The following KDM6B variants were observed in gnomAD, a reference collection of about 807,000 sequenced individuals.
KDM6B encodes lysine-specific demethylase 6B.
KDM6B carries 22 observed loss-of-function variants against 150.4 expected under a neutral mutation model. That is an observed-to-expected ratio of 0.15 (90% CI 0.10 to 0.21). KDM6B has a LOEUF of 0.21. KDM6B is among the 10% of genes least tolerant of loss of function. The pLI, the probability that KDM6B is intolerant of heterozygous loss-of-function variation, is 1.00. For synonymous variants in KDM6B, 1,148 were observed against 921.1 expected, an observed-to-expected ratio of 1.25 and a Z score of -4.46; for missense variants, 1,984 against 2,234.3, an observed-to-expected ratio of 0.89 and a Z score of 2.26.
At chr17:7,838,826 C>G (rs2078372880) in intron 1 of KDM6B, among the ~76,000 whole-genome samples, 1 of 152,070 alleles carries the variant, frequency 6.6e-6, no homozygotes, top group African/African-American at 2.4e-5. Flanking sequence ...AGGGCCTTGC[C>G]TGCCTGACCT....
Position 7,847,371 on chromosome 17 carries a change from C to G in KDM6B, c.1176C>G (p.Gly392=). Residue 392 remains glycine (G), a synonymous_variant, in exon 11 of 24, where the codon GGC becomes GGG. Coordinates refer to ENST00000448097, the MANE Select transcript of KDM6B (RefSeq NM_001348716.2). ...CVPYAPSRPP[G]LPGTTTSSSS... ...CTTACGCCCCTTCCCGGCCCCCTGGCCTCCCCGGCACCACCACCAGCAGCA... is the reference window on the plus strand; with the variant it reads ...CTTACGCCCCTTCCCGGCCCCCTGGGCTCCCCGGCACCACCACCAGCAGCA... The G allele has an allele frequency of 6.2e-7, 1 of 1,613,066 alleles. No homozygotes were observed. The highest frequency in any genetic ancestry group is 8.5e-7 in the Non-Finnish European group (1 of 1,179,970).
At position 7,849,408 on chromosome 17, in the gene KDM6B, G is replaced by A. The variant is rs145625760; in HGVS notation, c.3120G>A (p.Gly1040=). ...AGAAGTCCCGGCCCGATCTTGGCGG[G>A]GCCTCCAAGGCCAAGCCACCCACAG... ...GREKSRPDLG[G]ASKAKPPTAP... The change falls in exon 12 of 24, where the codon GGG becomes GGA. Residue 1040 remains glycine (G), a synonymous_variant. Transcript: ENST00000448097. 85 of 1,611,448 alleles carry A rather than the reference G, an allele frequency of 5.3e-5. No homozygotes were observed. In the African/African-American group the frequency reaches 1.0e-3, roughly 20 times the overall value.
chr17:7,834,752 G>T (rs1008718648), intron 1 of KDM6B, among the ~76,000 whole-genome samples: 4 of 152,022 alleles, frequency 2.6e-5, no homozygotes, highest in Admixed American at 2.6e-4. Context: ...GGTGTGTCCC[G>T]GTCCCAGGAC....
Position 7,847,266 on chromosome 17 carries a change from A to G in KDM6B, c.1071A>G (p.Gly357=), listed in dbSNP as rs1438993687. The change falls in exon 11 of 24, where the codon GGA becomes GGG. Residue 357 remains glycine, a synonymous_variant. Coordinates refer to ENST00000448097, the MANE Select transcript of KDM6B (RefSeq NM_001348716.2). ...HGCLPATRPP[G]SDLRESRVQR... is the part of the protein sequence containing the mutation. ...GCCTGCCTGCCACCCGTCCCCCCGG[A>G]AGTGACCTTAGAGAGAGCAGAGTTC... The G allele has an allele frequency of 6.5e-7, 1 of 1,528,142 alleles. No homozygotes were observed. The highest frequency in any genetic ancestry group is 1.4e-5 in the African/African-American group (1 of 70,088). 94.7% of individuals were successfully genotyped at this position (1,528,142 alleles called of 1,614,324 possible). A position where few individuals can be genotyped will look rare whatever the true frequency, so the allele number is the denominator to read the frequency against.
chr17:7,836,272 CG>C (rs1470115563), intron 1 of KDM6B, among the ~76,000 whole-genome samples: 1 of 152,250 alleles, frequency 6.6e-6, no homozygotes, highest in Admixed American at 6.5e-5. Context: ...GTTTCCTCCT[CG>C]TTCGCCCCGG....
intron 1 of KDM6B, among the ~76,000 whole-genome samples, chr17:7,838,575 C>G (rs1353900811): frequency 7.6e-6 from 1 of 131,598 alleles, no homozygotes; most frequent in African/African-American, 3.0e-5. Flanking sequence ...GCCCCTCCCC[C>G]ACTCTGTTGT....
At chr17:7,850,995 A>T (rs2078681754) in intron 14 of KDM6B, 26 bp from the exon 15 acceptor site, 1 of 1,572,322 alleles carries the variant, frequency 6.4e-7, no homozygotes, top group African/African-American at 1.4e-5. Flanking sequence ...CTCTGCCCCG[A>T]CACCCTGCTC....
chr17:7,851,281 G>A, intron 15 of KDM6B, 49 bp from the exon 16 acceptor site: 2 of 1,613,468 alleles, frequency 1.2e-6, no homozygotes, highest in Non-Finnish European at 8.5e-7. Flanking sequence ...CGGTGGGAGG[G>A]CTCTCGAAAG....
At chr17:7,850,797 T>C (rs1297470693) in intron 14 of KDM6B, among the ~76,000 whole-genome samples, 1 of 152,216 alleles carries the variant, frequency 6.6e-6, no homozygotes. Context: ...GCTGAGTCCT[T>C]GAGCAGCTGC....
At chr17:7,835,721 A>T (rs939284980) in intron 1 of KDM6B, among the ~76,000 whole-genome samples, 6 of 152,002 alleles carry the variant, frequency 3.9e-5, no homozygotes, top group Admixed American at 2.0e-4. Flanking sequence ...TGGGACCCGC[A>T]CGTGCACTCC....
Position 7,847,298 on chromosome 17 carries a change from C to G in KDM6B, c.1103C>G (p.Ser368Trp). 1 of 1,606,136 alleles carries G rather than the reference C, an allele frequency of 6.2e-7. No homozygotes were observed. The highest frequency in any genetic ancestry group is 8.5e-7 in the Non-Finnish European group (1 of 1,179,820). ...SDLRESRVQRSRMDSSVSPAA... is the reference protein window; with the variant it reads ...SDLRESRVQRWRMDSSVSPAA... ...CTTAGAGAGAGCAGAGTTCAGAGGT[C>G]GCGGATGGACTCCAGCGTTTCACCA... The change falls in exon 11 of 24, where the codon TCG becomes TGG. Residue 368 changes from serine to tryptophan, a missense_variant. Ser to Trp is a radical substitution (Grantham distance 177). This residue lies in a region of KDM6B where 1,379 missense variants were observed against 1,275.6 expected (regional missense o/e 1.08). Coordinates refer to ENST00000448097, the MANE Select transcript of KDM6B (RefSeq NM_001348716.2).
chr17:7,852,131 C>A lies in KDM6B; in HGVS notation c.4281-18C>A. On this transcript the variant is annotated intron_variant, in intron 19 of 23. Coordinates refer to ENST00000448097, the MANE Select transcript of KDM6B (RefSeq NM_001348716.2). The stretch of plus-strand genomic sequence containing the variant: ...CCCTCGGTCCCCAGTTCCCACCTGA[C>A]CTGTGGCCACCCCGCAGGCACGGCG... 1.2e-6 allele frequency: 2 copies of A among 1,614,038 alleles called. No individual in the cohort carries two copies. The highest frequency in any genetic ancestry group is 1.7e-6 in the Non-Finnish European group (2 of 1,180,010).
rs778703196 is a variant in KDM6B, at chr17:7,846,743, G to A, written c.711+3G>A. On this transcript the variant is annotated splice_donor_region_variant and intron_variant, in intron 9 of 23. Coordinates refer to ENST00000448097, the MANE Select transcript of KDM6B (RefSeq NM_001348716.2). ...GGAGAGGCTGCAACTCTGAACAGGT[G>A]TGGGTATAGGGGGGCCAGCAGGCAG... 1 of 1,614,064 alleles carries A rather than the reference G, an allele frequency of 6.2e-7. No individual in the cohort carries two copies. Among genetic ancestry groups the A allele is most frequent in the Non-Finnish European group, 8.5e-7 (1 of 1,179,974 alleles).
chr17:7,853,573 C>T lies in KDM6B; in HGVS notation c.*52C>T, dbSNP rs754774343. On this transcript the variant is annotated 3_prime_UTR_variant, in exon 24 of 24. Transcript: ENST00000448097. ...CCCGCGCAAGGCGCCGCGGGGCCAC[C>T]AGCACATGCCTGGGCTGGACCTAGG... 16 of 1,331,320 alleles carry T rather than the reference C, an allele frequency of 1.2e-5. No individual in the cohort carries two copies. The highest frequency in any genetic ancestry group is 6.8e-6 in the Non-Finnish European group (7 of 1,031,870). 82.5% of individuals were successfully genotyped at this position (1,331,320 alleles called of 1,614,324 possible).
rs748221551 is a variant in KDM6B, at chr17:7,848,094, G to A, written c.1806G>A (p.Leu602=). ...QNPQDPPLVP[L]TLALPPAPPS... is the part of the protein sequence containing the mutation. ...CCCAGGACCCACCTCTTGTACCCCT[G>A]ACTCTTGCCCTGCCTCCAGCCCCTC... is the stretch of plus-strand genomic sequence containing the variant. The change falls in exon 12 of 24, where the codon CTG becomes CTA. Residue 602 remains leucine, a synonymous_variant. Coordinates refer to ENST00000448097, the MANE Select transcript of KDM6B (RefSeq NM_001348716.2). 1.9e-6 allele frequency: 3 copies of A among 1,611,528 alleles called. No individual in the cohort carries two copies. The South Asian group carries it at 3.3e-5, about 18-fold the overall frequency.
In KDM6B at chr17:7,847,401, T is replaced by TAGCAGCAGC; in HGVS notation, c.1211_1219dup (p.Ser404_Ser406dup). ...CCGGCACCACCACCAGCAGCAGCAG[T>TAGCAGCAGC]AGCAGCAGCAGCAACACTGGTCTCC... On this transcript the variant is annotated inframe_insertion, in exon 11 of 24. Coordinates refer to ENST00000448097, the MANE Select transcript of KDM6B (RefSeq NM_001348716.2). 6.2e-7 allele frequency: 1 copy of TAGCAGCAGC among 1,613,418 alleles called. No homozygotes were observed.
chr17:7,848,245 C>T lies in KDM6B; in HGVS notation c.1957C>T (p.Pro653Ser). The T allele has an allele frequency of 2.5e-6, 4 of 1,612,412 alleles. No homozygotes were observed. Among genetic ancestry groups the T allele is most frequent in the Non-Finnish European group, 3.4e-6 (4 of 1,179,750 alleles). ...GPPPGPLSKA[P>S]QPVPPGVGEL... ...ACCCCCAGGCCCCCTGAGTAAAGCC[C>T]CCCAGCCTGTGCCGCCCGGGGTTGG... Residue 653 changes from proline (P) to serine (S), a missense_variant, in exon 12 of 24, where the codon CCC becomes TCC. This residue lies in a region of KDM6B where 1,379 missense variants were observed against 1,275.6 expected (regional missense o/e 1.08). Coordinates refer to ENST00000448097, the MANE Select transcript of KDM6B (RefSeq NM_001348716.2).
Position 7,849,461 on chromosome 17 carries a change from C to T in KDM6B, c.3173C>T (p.Pro1058Leu), listed in dbSNP as rs2078645627. The change falls in exon 12 of 24, where the codon CCT becomes CTT. Residue 1058 changes from proline (P) to leucine (L), a missense_variant. By Grantham distance (98) the Pro-to-Leu change is moderately conservative. Around this residue, in one of 13 missense-constraint regions of KDM6B, gnomAD observed 1,379 missense variants for 1,275.6 expected, o/e 1.08. Transcript: ENST00000448097. ...CCAGCCCCTCCATCAGCTCCTGCAC[C>T]TTCTGCCCAGCCCACACCCCCGTCA... ...TAPAPPSAPA[P>L]SAQPTPPSAS... 2 of 1,612,616 alleles carry T rather than the reference C, an allele frequency of 1.2e-6. No individual in the cohort carries two copies. Among genetic ancestry groups the T allele is most frequent in the Admixed American group, 1.7e-5 (1 of 60,010 alleles).
chr17:7,847,508 C>T (rs201535335), intron 11 of KDM6B, 38 bp from the exon 12 acceptor site: 3 of 1,612,706 alleles, frequency 1.9e-6, no homozygotes, highest in African/African-American at 2.7e-5. Context: ...TTGAGGCAGC[C>T]CGAGCAATGC....
Sources: gnomAD v4.1 joint callset for allele counts (sites outside exome capture counted in the v4.1 genomes callset) on GRCh38, gnomAD v4.1.1 for gene constraint, gnomAD v4.1.1 regional missense constraint, MANE v1.5 for transcripts, NCBI Gene and HGNC (gene_info 2026-07-23, HGNC 2026-07-21) for gene names.